Variants in SETBP1 observed in about 807,000 individuals in gnomAD.
SETBP1 encodes SET binding protein 1.
A neutral mutation model predicts 101.0 loss-of-function variants in SETBP1; 9 were observed. The ratio of observed to expected loss-of-function variants is 0.09; its 90% CI spans 0.05 to 0.16. The LOEUF (loss-of-function observed/expected upper bound fraction) is 0.16. Ranked by LOEUF, SETBP1 falls within the 10% of genes least tolerant of loss-of-function variation. SETBP1 has a pLI of 1.00. For missense variants in SETBP1, 1,858 were observed against 2,033.8 expected (o/e 0.91, Z 1.66); for synonymous variants, 818 against 788.5 (o/e 1.04, Z -0.63).
chr18:44,785,849 C>A (rs1447220563), intron 2 of SETBP1, among the ~76,000 whole-genome samples: 3 of 152,172 alleles, frequency 2.0e-5, no homozygotes, highest in African/African-American at 4.8e-5. Flanking sequence ...CCTGCTCAGA[C>A]CTGAAAGGAT....
At chr18:44,934,608 C>A (rs1308592663) in intron 3 of SETBP1, among the ~76,000 whole-genome samples, 1 of 152,212 alleles carries the variant, frequency 6.6e-6, no homozygotes, top group Admixed American at 6.5e-5. Context: ...GTAACCCTGA[C>A]CAGGCACCAG....
intron 2 of SETBP1, among the ~76,000 whole-genome samples, chr18:44,772,769 C>T (rs572664364): frequency 1.0e-3 from 152 of 152,062 alleles, no homozygotes; most frequent in African/African-American, 3.4e-3. Flanking sequence ...TAATGGGATT[C>T]GTGGGGAACA....
Position 45,064,189 on chromosome 18 carries a change from C to G in SETBP1, c.*491C>G, listed in dbSNP as rs1343784545. 1 of 153,730 alleles carries G rather than the reference C, an allele frequency of 6.5e-6. No individual in the cohort carries two copies. The highest frequency in any genetic ancestry group is 1.5e-5 in the Non-Finnish European group (1 of 68,774). 9.5% of individuals were successfully genotyped at this position (153,730 alleles called of 1,614,324 possible). A position where few individuals can be genotyped will look rare whatever the true frequency, so the allele number is the denominator to read the frequency against. ...GTTTTTATTTCTTTTGATTTTCAAG[C>G]TCTGCTAAGCTTTGGGGTACCAACG... On this transcript the variant is annotated 3_prime_UTR_variant, in exon 6 of 6. Transcript: ENST00000649279.
At chr18:44,734,880 G>A (rs964520827) in intron 2 of SETBP1, among the ~76,000 whole-genome samples, 11 of 152,042 alleles carry the variant, frequency 7.2e-5, no homozygotes, top group African/African-American at 2.4e-4. Flanking sequence ...TAATTTATTG[G>A]CATTTCCCAC....
chr18:44,835,207 G>A (rs918982452), intron 2 of SETBP1, among the ~76,000 whole-genome samples: 2 of 152,144 alleles, frequency 1.3e-5, no homozygotes, highest in Non-Finnish European at 2.9e-5. Flanking sequence ...GCAGTGCTCA[G>A]GACAGCTCTC....
chr18:44,900,542 TC>T (rs1417569649), intron 3 of SETBP1, among the ~76,000 whole-genome samples: 1 of 152,192 alleles, frequency 6.6e-6, no homozygotes, highest in African/African-American at 2.4e-5. Flanking sequence ...TTCTCTGTTC[TC>T]CCAAGGATGA....
At chr18:44,797,665 T>G (rs905557998) in intron 2 of SETBP1, among the ~76,000 whole-genome samples, 54 of 152,264 alleles carry the variant, frequency 3.5e-4, no homozygotes, top group African/African-American at 1.2e-3. Flanking sequence ...GCTCTTTCCT[T>G]GAACCCAGTA....
chr18:45,062,200 G>A (rs2032231), intron 5 of SETBP1, among the ~76,000 whole-genome samples: 39,630 of 152,186 alleles, frequency 0.26, 5,871 homozygotes, highest in Non-Finnish European at 0.33. Context: ...TGGCAGCAGC[G>A]CAGGACTTCC....
At chr18:44,884,293 A>G (rs1300594027) in intron 3 of SETBP1, among the ~76,000 whole-genome samples, 1 of 152,218 alleles carries the variant, frequency 6.6e-6, no homozygotes, top group Non-Finnish European at 1.5e-5. Flanking sequence ...CTCATTTGGC[A>G]TAAGAAGGAT....
chr18:44,712,332 A>G (rs2069365697), intron 2 of SETBP1, among the ~76,000 whole-genome samples: 1 of 152,236 alleles, frequency 6.6e-6, no homozygotes, highest in Non-Finnish European at 1.5e-5. Flanking sequence ...ATGTCTTGCC[A>G]ATAAGAAGCA....
At chr18:45,009,211 T>C in intron 4 of SETBP1, among the ~76,000 whole-genome samples, 1 of 151,946 alleles carries the variant, frequency 6.6e-6, no homozygotes, top group East Asian at 1.9e-4. Context: ...TTTTTGGAGT[T>C]TGCCAACAGG....
intron 4 of SETBP1, among the ~76,000 whole-genome samples, chr18:44,982,058 G>A (rs1248939638): frequency 6.6e-6 from 1 of 152,222 alleles, no homozygotes; most frequent in Admixed American, 6.5e-5. Context: ...GTTTGGGGAA[G>A]GTGGGGTGGA....
chr18:44,738,578 AG>A (rs2144450197), intron 2 of SETBP1, among the ~76,000 whole-genome samples: 1 of 152,288 alleles, frequency 6.6e-6, no homozygotes, highest in African/African-American at 2.4e-5. Context: ...GTTCAAGACC[AG>A]CCTGCCCAAC....
intron 2 of SETBP1, among the ~76,000 whole-genome samples, chr18:44,849,211 C>A (rs2072795948): frequency 6.6e-6 from 1 of 152,104 alleles, no homozygotes; most frequent in South Asian, 2.1e-4. Context: ...ATCTCGGGAC[C>A]TTTTAGGTAG....
intron 2 of SETBP1, among the ~76,000 whole-genome samples, chr18:44,735,660 G>A (rs1317712365): frequency 1.3e-5 from 2 of 152,084 alleles, no homozygotes; most frequent in Non-Finnish European, 2.9e-5. Flanking sequence ...CAGTCTTCCT[G>A]GGATAAAAAT....
intron 2 of SETBP1, among the ~76,000 whole-genome samples, chr18:44,866,193 A>C (rs1035065407): frequency 6.6e-6 from 1 of 152,218 alleles, no homozygotes; most frequent in African/African-American, 2.4e-5. Flanking sequence ...CTTCTAGTAA[A>C]ACCTGTAGTG....
At chr18:44,900,780 C>T (rs1160966618) in intron 3 of SETBP1, among the ~76,000 whole-genome samples, 3 of 152,116 alleles carry the variant, frequency 2.0e-5, no homozygotes, top group East Asian at 1.9e-4. Context: ...GTTGGAGAAC[C>T]GCTGGGTAAG....
chr18:45,019,805 C>T lies in SETBP1; in HGVS notation c.4001-18680C>T, dbSNP rs551811565. Among the ~76,000 whole-genome samples, 74 of 152,060 alleles carry T rather than the reference C, an allele frequency of 4.9e-4. No homozygotes were observed. The East Asian group carries it at 0.014, about 29-fold the overall frequency. ...TGTTGACAAGAATTTTTTTTTATAC[C>T]TTTACCTAAAGGACATGCATAAAAA... On this transcript the variant is annotated intron_variant, in intron 4 of 5. Transcript: ENST00000649279.
chr18:44,852,541 G>T (rs2072893467), intron 2 of SETBP1, among the ~76,000 whole-genome samples: 1 of 152,142 alleles, frequency 6.6e-6, no homozygotes, highest in African/African-American at 2.4e-5. Flanking sequence ...ATCAGGGCTG[G>T]TAGGGATAAT....
Sources: allele counts gnomAD v4.1 joint callset (sites outside exome capture counted in the v4.1 genomes callset), GRCh38; gene constraint gnomAD v4.1.1; transcripts MANE v1.5; gene names NCBI Gene and HGNC (gene_info 2026-07-23, HGNC 2026-07-21).